MELTF: variants seen among roughly 807,000 people sequenced by gnomAD.
The protein encoded by MELTF is antigen p97 (melanoma associated) identified by monoclonal antibodies 133.2 and 96.5.
In MELTF, 67 loss-of-function variants were observed where a neutral mutation model predicts 83.7. The observed-to-expected ratio is 0.80, with a 90% CI of 0.66 to 0.98. The LOEUF is 0.98. Ranked by LOEUF, MELTF falls within the 50% of genes least tolerant of loss-of-function variation. MELTF has a pLI of 0.00. For synonymous variants in MELTF, 462 were observed against 447.6 expected (o/e 1.03, Z -0.41); for missense variants, 1,002 against 1,035.6 (o/e 0.97, Z 0.44).
In MELTF at chr3:197,008,636, C is replaced by T; in HGVS notation, c.1750+21G>A. On this transcript the variant is annotated intron_variant, in intron 13 of 15. Coordinates refer to ENST00000296350, the MANE Select transcript of MELTF (RefSeq NM_005929.6). The surrounding 1 kb of genome is among the most constrained non-coding windows in gnomAD (Gnocchi z 5.4). Reference sequence around the variant, plus strand: ...ACAGTCCCCCCGACCTACCTTTGGCCCTGCTCTTGCCCCCACCTACCGTTT... The same window carrying T: ...ACAGTCCCCCCGACCTACCTTTGGCTCTGCTCTTGCCCCCACCTACCGTTT... 1.9e-6 allele frequency: 3 copies of T among 1,611,324 alleles called. No homozygotes were observed. In the Middle Eastern group the frequency reaches 5.0e-4, roughly 267 times the overall value.
rs182600990 is a variant in MELTF, at chr3:197,006,208, T to C, written c.1938+341A>G. ...TGCACTCCAGCCTGGGGCGACAGAG[T>C]AAGACTCCGTCTCAAAAAAAAAAGA... is the stretch of plus-strand genomic sequence containing the variant. On this transcript the variant is annotated intron_variant, in intron 14 of 15. Coordinates refer to ENST00000296350, the MANE Select transcript of MELTF (RefSeq NM_005929.6). The surrounding 1 kb of genome is among the most constrained non-coding windows in gnomAD (Gnocchi z 5.4). Among the ~76,000 whole-genome samples, 66 of 149,202 alleles carry C rather than the reference T, an allele frequency of 4.4e-4. No individual in the cohort carries two copies. Among genetic ancestry groups the C allele is most frequent in the African/African-American group, 1.6e-3 (63 of 40,496 alleles).
chr3:197,018,807 G>T lies in MELTF; in HGVS notation c.713-1517C>A, dbSNP rs192634092. The T allele has an allele frequency of 2.7e-4, 146 of 540,164 alleles. 2 individuals carry two copies. In the East Asian group the frequency reaches 0.018, roughly 65 times the overall value. 33.5% of individuals were successfully genotyped at this position (540,164 alleles called of 1,614,324 possible). On this transcript the variant is annotated intron_variant, in intron 6 of 15. Coordinates refer to ENST00000296350, the MANE Select transcript of MELTF (RefSeq NM_005929.6). ...TGACAGGCAATTTTGCATCCTATTTGGTAGAGTATTTTTCCACAGTATTGG... is the reference window on the plus strand; with the variant it reads ...TGACAGGCAATTTTGCATCCTATTTTGTAGAGTATTTTTCCACAGTATTGG...
chr3:197,009,593 T>A, intron 11 of MELTF, 25 bp downstream of exon 11: 1 of 1,592,040 alleles, frequency 6.3e-7, no homozygotes, highest in African/African-American at 1.3e-5. Context: ...TTCCCCAGTC[T>A]GCGTTCCTAA....
In MELTF at chr3:197,015,524, G is replaced by A. The variant is rs41284049; in HGVS notation, c.1082-8C>T. 353,408 of 1,604,680 alleles carry A rather than the reference G, an allele frequency of 0.22. 39,658 individuals carry two copies. Among genetic ancestry groups the A allele is most frequent in the African/African-American group, 0.28 (21,010 of 74,858 alleles). ...GCAGGTAGGGGGGCAGCCCTGGGGTGGGGCAAGCAAGCGGTCACTGCCAGG... is the reference window on the plus strand; with the variant it reads ...GCAGGTAGGGGGGCAGCCCTGGGGTAGGGCAAGCAAGCGGTCACTGCCAGG... On this transcript the variant is annotated splice_region_variant and splice_polypyrimidine_tract_variant and intron_variant, in intron 8 of 15. Transcript: ENST00000296350.
At chr3:197,016,952 T>C in intron 7 of MELTF, 151 bp downstream of exon 7, 1 of 874,540 alleles carries the variant, frequency 1.1e-6, no homozygotes, top group Non-Finnish European at 1.7e-6. Context: ...GCCAGCATAG[T>C]CGGTTCCTCA....
rs1310467380 is a variant in MELTF at position 197,001,843 on chromosome 3, T to A, written c.*1529A>T. ...CACTGACACAGCAGGGGTCCCCTGC[T>A]GCCACCTGACAATCCAGCGTCACTT... is the stretch of plus-strand genomic sequence containing the variant. On this transcript the variant is annotated 3_prime_UTR_variant, in exon 16 of 16. Coordinates refer to ENST00000296350, the MANE Select transcript of MELTF (RefSeq NM_005929.6). 6.6e-6 allele frequency: 1 copy of A among 152,098 alleles called. No individual in the cohort carries two copies. Among genetic ancestry groups the A allele is most frequent in the Non-Finnish European group, 1.5e-5 (1 of 68,028 alleles). 9.4% of individuals were successfully genotyped at this position (152,098 alleles called of 1,614,324 possible).
chr3:197,016,125 AGCCTC>A, intron 8 of MELTF, 59 bp downstream of exon 8: 1 of 1,386,690 alleles, frequency 7.2e-7, no homozygotes, highest in Non-Finnish European at 9.5e-7. Flanking sequence ...TTTCCCAGAG[AGCCTC>A]GCCATGCCCG....
chr3:197,016,226 GTA>G lies in MELTF; in HGVS notation c.1042_1043del (p.Tyr348ProfsTer10). ...AGAGCAGACCCTTCATGGCGTGCAGGTACTCATGGCCCAGCCACGCCTCATAG... is the reference window on the plus strand; with the variant it reads ...AGAGCAGACCCTTCATGGCGTGCAGGCTCATGGCCCAGCCACGCCTCATAG... ...QTYEAWLGHEYLHAMKGLLCD... is the reference protein window; with the variant it reads ...QTYEAWLGHEXLHAMKGLLCD... On this transcript the variant is annotated frameshift_variant, in exon 8 of 16. Coordinates refer to ENST00000296350, the MANE Select transcript of MELTF (RefSeq NM_005929.6). LOFTEE classifies it high-confidence loss of function. 6.3e-7 allele frequency: 1 copy of G among 1,596,786 alleles called. No individual in the cohort carries two copies. The highest frequency in any genetic ancestry group is 8.5e-7 in the Non-Finnish European group (1 of 1,171,792).
intron 6 of MELTF, among the ~76,000 whole-genome samples, chr3:197,017,569 A>T (rs1264208785): frequency 6.6e-6 from 1 of 152,138 alleles, no homozygotes; most frequent in Non-Finnish European, 1.5e-5. Flanking sequence ...TATTCAAGAT[A>T]AAAAAAGTAA....
chr3:197,003,513 C>T lies in MELTF; in HGVS notation c.2138-62G>A, dbSNP rs1366166753. On this transcript the variant is annotated intron_variant, in intron 15 of 15. Transcript: ENST00000296350. The surrounding 1 kb of genome is among the most constrained non-coding windows in gnomAD (Gnocchi z 6.2). ...GGGCCGCGGTGGCCGCCTCAGGCGC[C>T]CGCTCTGGGGTGGGGGTGGGGGCAT... 5.4e-5 allele frequency: 13 copies of T among 238,990 alleles called. No homozygotes were observed. Among genetic ancestry groups the T allele is most frequent in the Non-Finnish European group, 7.5e-5 (13 of 173,146 alleles). The allele number at this position is 238,990 out of a possible 1,614,324, so 14.8% of individuals were successfully genotyped here. A position where few individuals can be genotyped will look rare whatever the true frequency, so the allele number is the denominator to read the frequency against.
chr3:197,022,225 A>T lies in MELTF; in HGVS notation c.644+732T>A, dbSNP rs1332307469. ...CCCCACGGGCAGAAAATGCACAGGG[A>T]TTAGAGCAGATCGGGGCGGGCGACA... On this transcript the variant is annotated intron_variant, in intron 5 of 15. Transcript: ENST00000296350. The surrounding 1 kb of genome is among the most constrained non-coding windows in gnomAD (Gnocchi z 5.1). 6.6e-6 allele frequency among the ~76,000 whole-genome samples: 1 copy of T among 152,132 alleles called. No individual in the cohort carries two copies. Among genetic ancestry groups the T allele is most frequent in the African/African-American group, 2.4e-5 (1 of 41,414 alleles).
At chr3:197,027,712 G>A in intron 2 of MELTF, 44 bp downstream of exon 2, 1 of 1,577,360 alleles carries the variant, frequency 6.3e-7, no homozygotes, top group Non-Finnish European at 8.7e-7. Flanking sequence ...TCCCTCCTGA[G>A]TCACAGCCCT....
intron 6 of MELTF, 108 bp from the exon 7 acceptor site, chr3:197,017,398 G>T (rs1719426882): frequency 1.2e-5 from 12 of 1,031,828 alleles, no homozygotes; most frequent in African/African-American, 8.1e-5. Flanking sequence ...TCATGGACAT[G>T]AGAACCCAGC....
chr3:197,003,532 G>T lies in MELTF; in HGVS notation c.2138-81C>A. ...AGGCGCCCGCTCTGGGGTGGGGGTG[G>T]GGGCATCTTTCGGGACCGAACTCGC... On this transcript the variant is annotated intron_variant, in intron 15 of 15. Transcript: ENST00000296350. The surrounding 1 kb of genome is among the most constrained non-coding windows in gnomAD (Gnocchi z 6.2). 2.1e-6 allele frequency: 1 copy of T among 474,244 alleles called. No individual in the cohort carries two copies. Among genetic ancestry groups the T allele is most frequent in the Non-Finnish European group, 3.1e-6 (1 of 327,170 alleles). The allele number at this position is 474,244 out of a possible 1,614,324, so 29.4% of individuals were successfully genotyped here. A position where few individuals can be genotyped will look rare whatever the true frequency, so the allele number is the denominator to read the frequency against.
rs1718848613 is a variant in MELTF, at chr3:197,003,563, C to T, written c.2138-112G>A. 5 of 797,670 alleles carry T rather than the reference C, an allele frequency of 6.3e-6. No individual in the cohort carries two copies. The South Asian group carries it at 1.1e-4, about 18-fold the overall frequency. 49.4% of individuals were successfully genotyped at this position (797,670 alleles called of 1,614,324 possible). A position where few individuals can be genotyped will look rare whatever the true frequency, so the allele number is the denominator to read the frequency against. On this transcript the variant is annotated intron_variant, in intron 15 of 15. Coordinates refer to ENST00000296350, the MANE Select transcript of MELTF (RefSeq NM_005929.6). The surrounding 1 kb of genome is among the most constrained non-coding windows in gnomAD (Gnocchi z 6.2). Reference sequence around the variant, plus strand: ...TCTTTCGGGACCGAACTCGCCGCAGCCTCCCTCTTTGTGCTCCTTTCCCCT... The same window carrying T: ...TCTTTCGGGACCGAACTCGCCGCAGTCTCCCTCTTTGTGCTCCTTTCCCCT...
At chr3:197,018,040 C>A (rs1486267223) in intron 6 of MELTF, among the ~76,000 whole-genome samples, 3 of 152,236 alleles carry the variant, frequency 2.0e-5, no homozygotes, top group Admixed American at 6.5e-5. Flanking sequence ...AATCTACCCA[C>A]CCCAGGACTA....
At position 197,011,887 on chromosome 3, in the gene MELTF, C is replaced by T. The variant is rs113582602; in HGVS notation, c.1234-1093G>A. 3.6e-3 allele frequency among the ~76,000 whole-genome samples: 554 copies of T among 152,268 alleles called. 5 individuals carry two copies. Among genetic ancestry groups the T allele is most frequent in the South Asian group, 0.013 (64 of 4,824 alleles). ...CTTCCTGCAGGCCCCAGGGCAGCCC[C>T]GTGGCCCTCTGTGAGCCCAGATTGA... is the stretch of plus-strand genomic sequence containing the variant. On this transcript the variant is annotated intron_variant, in intron 9 of 15. Coordinates refer to ENST00000296350, the MANE Select transcript of MELTF (RefSeq NM_005929.6). This position sits in a 1 kb window ranked among gnomAD's most constrained non-coding sequence, Gnocchi z 4.2.
Position 197,026,743 on chromosome 3 carries a change from GC to G in MELTF, c.220del (p.Ala74ProfsTer18). 6.2e-7 allele frequency: 1 copy of G among 1,612,748 alleles called. No individual in the cohort carries two copies. Among genetic ancestry groups the G allele is most frequent in the South Asian group, 1.1e-5 (1 of 91,086 alleles). The stretch of plus-strand genomic sequence containing the variant: ...GATGGCTCCTCCATCCAGAGTGATG[GC>G]GTCAGCCTCCTGGGCCTGCAAGGAA... ...VQLIAAQEAD[A>X]ITLDGGAIYE... On this transcript the variant is annotated frameshift_variant, in exon 3 of 16. Coordinates refer to ENST00000296350, the MANE Select transcript of MELTF (RefSeq NM_005929.6). LOFTEE classifies it high-confidence loss of function.
intron 6 of MELTF, chr3:197,018,920 G>A (rs954316094): frequency 4.1e-6 from 4 of 983,882 alleles, no homozygotes; most frequent in South Asian, 9.4e-5. Flanking sequence ...TTGAGAAGAC[G>A]AATATTAAGG....
Sources: gnomAD v4.1 joint callset for allele counts (sites outside exome capture counted in the v4.1 genomes callset) on GRCh38, gnomAD v4.1.1 for gene constraint, Gnocchi (gnomAD v3.1) non-coding constraint, MANE v1.5 for transcripts, NCBI Gene and HGNC (gene_info 2026-07-23, HGNC 2026-07-21) for gene names.